SPIDR: variants seen among roughly 807,000 people sequenced by gnomAD.
SPIDR encodes the protein scaffold protein involved in DNA repair, also known as DNA repair-scaffolding protein.
A neutral mutation model predicts 104.6 loss-of-function variants in SPIDR; 93 were observed. That is an observed-to-expected ratio of 0.89 (90% CI 0.75 to 1.06). The LOEUF (loss-of-function observed/expected upper bound fraction) is 1.06, where lower values mean the gene tolerates loss of function less well. Ranked by LOEUF, SPIDR falls within the 50% of genes least tolerant of loss-of-function variation. The pLI, the probability that SPIDR is intolerant of heterozygous loss-of-function variation, is 0.00. For missense variants in SPIDR, 1,154 were observed against 1,111.2 expected (o/e 1.04, Z -0.55); for synonymous variants, 431 against 416.9 (o/e 1.03, Z -0.41).
intron 11 of SPIDR, among the ~76,000 whole-genome samples, chr8:47,689,592 T>C (rs926843657): frequency 1.3e-5 from 2 of 152,166 alleles, no homozygotes; most frequent in African/African-American, 4.8e-5. Flanking sequence ...CCCAAGCAAA[T>C]TCTGCATCCA....
In SPIDR at chr8:47,344,329, T is replaced by G. The variant is rs529398392; in HGVS notation, c.525+50299T>G. 3.3e-5 allele frequency among the ~76,000 whole-genome samples: 5 copies of G among 152,320 alleles called. No individual in the cohort carries two copies. In the East Asian group the frequency reaches 9.6e-4, roughly 29 times the overall value. On this transcript the variant is annotated intron_variant, in intron 5 of 19. Transcript: ENST00000297423. ...TTTTTTATGGCTGCATGGTATTCCA[T>G]GGTGTATATGTGCCACATTTTCTTA...
intron 8 of SPIDR, among the ~76,000 whole-genome samples, chr8:47,479,524 A>G (rs1554725728): frequency 1.3e-5 from 2 of 152,204 alleles, no homozygotes; most frequent in Admixed American, 6.5e-5. Context: ...TGGTGAGCTT[A>G]GCAGCACAGC....
chr8:47,322,146 G>A (rs1240806837), intron 5 of SPIDR, among the ~76,000 whole-genome samples: 1 of 152,178 alleles, frequency 6.6e-6, no homozygotes, highest in Non-Finnish European at 1.5e-5. Flanking sequence ...ACTACCATCT[G>A]AGTGAACAGC....
chr8:47,680,272 A>G (rs940218590), intron 11 of SPIDR, among the ~76,000 whole-genome samples: 34 of 152,232 alleles, frequency 2.2e-4, no homozygotes, highest in East Asian at 1.9e-4. Flanking sequence ...ACAAAAGTCA[A>G]TTACAGAGGA....
chr8:47,471,653 G>A (rs1554721161), intron 8 of SPIDR, among the ~76,000 whole-genome samples: 3 of 152,190 alleles, frequency 2.0e-5, no homozygotes. Flanking sequence ...ATAACATCAT[G>A]TATATACTTA....
At chr8:47,504,011 G>T (rs2081031988) in intron 8 of SPIDR, among the ~76,000 whole-genome samples, 1 of 152,204 alleles carries the variant, frequency 6.6e-6, no homozygotes, top group Non-Finnish European at 1.5e-5. Context: ...CCAGCTGTTA[G>T]TCTGATGGGC....
In SPIDR at chr8:47,623,418, T is replaced by C. The variant is rs186512409; in HGVS notation, c.1544+24222T>C. Among the ~76,000 whole-genome samples, 1,089 of 152,174 alleles carry C rather than the reference T, an allele frequency of 7.2e-3. 9 individuals are homozygous for C. Among genetic ancestry groups the C allele is most frequent in the Admixed American group, 9.1e-3 (139 of 15,288 alleles). Reference sequence around the variant, plus strand: ...CTTTGAATGTAAATGGGCTAAATGCTCCAATTAAAAGACACAGACTGGCAA... The same window carrying C: ...CTTTGAATGTAAATGGGCTAAATGCCCCAATTAAAAGACACAGACTGGCAA... On this transcript the variant is annotated intron_variant, in intron 10 of 19. Transcript: ENST00000297423.
At chr8:47,735,088 G>T (rs1280938100) in intron 19 of SPIDR, among the ~76,000 whole-genome samples, 4 of 146,372 alleles carry the variant, frequency 2.7e-5, no homozygotes, top group Non-Finnish European at 6.0e-5. Flanking sequence ...AAATAAATGG[G>T]TGTGTGGGTG....
intron 11 of SPIDR, 138 bp from the exon 12 acceptor site, chr8:47,700,265 C>A: frequency 1.1e-6 from 1 of 883,268 alleles, no homozygotes; most frequent in Non-Finnish European, 1.9e-6. Flanking sequence ...CTTCTTCCCC[C>A]TCTGAATCGC....
chr8:47,557,065 T>C (rs2091413234), intron 8 of SPIDR, among the ~76,000 whole-genome samples: 1 of 152,198 alleles, frequency 6.6e-6, no homozygotes, highest in Non-Finnish European at 1.5e-5. Context: ...GTGGAAATCA[T>C]AGCTGCATTC....
At chr8:47,478,836 T>C (rs1305970119) in intron 8 of SPIDR, among the ~76,000 whole-genome samples, 8 of 152,204 alleles carry the variant, frequency 5.3e-5, no homozygotes, top group Non-Finnish European at 1.2e-4. Context: ...TCTAAACCTG[T>C]TGAATGTAGG....
chr8:47,468,888 A>G (rs1466130501), intron 8 of SPIDR, among the ~76,000 whole-genome samples: 1 of 152,222 alleles, frequency 6.6e-6, no homozygotes, highest in African/African-American at 2.4e-5. Context: ...AACTATCAAC[A>G]GAGACAACTA....
chr8:47,436,122 G>A (rs1435614525), intron 7 of SPIDR, among the ~76,000 whole-genome samples: 2 of 152,200 alleles, frequency 1.3e-5, no homozygotes, highest in East Asian at 1.9e-4. Flanking sequence ...CAGGCACTTC[G>A]TGGTACATTT....
At chr8:47,313,838 T>G (rs2044717283) in intron 5 of SPIDR, among the ~76,000 whole-genome samples, 1 of 152,198 alleles carries the variant, frequency 6.6e-6, no homozygotes, top group South Asian at 2.1e-4. Context: ...TAAACACCTT[T>G]AAAGTACTGG....
chr8:47,621,163 G>C (rs1343968633), intron 10 of SPIDR, among the ~76,000 whole-genome samples: 1 of 151,846 alleles, frequency 6.6e-6, no homozygotes, highest in Non-Finnish European at 1.5e-5. Flanking sequence ...CACCATGTTG[G>C]CCAGGATGGT....
At chr8:47,275,821 A>G (rs1322973361) in intron 1 of SPIDR, among the ~76,000 whole-genome samples, 1 of 151,786 alleles carries the variant, frequency 6.6e-6, no homozygotes, top group Non-Finnish European at 1.5e-5. Flanking sequence ...ATTTTTTTAA[A>G]TTTTCTGTGC....
chr8:47,600,468 T>G (rs776074470), intron 10 of SPIDR, among the ~76,000 whole-genome samples: 1 of 152,240 alleles, frequency 6.6e-6, no homozygotes, highest in Non-Finnish European at 1.5e-5. Context: ...GGAGGCACTT[T>G]ATTTGAAAAT....
rs71225675 is a variant in SPIDR, at chr8:47,307,533, GTTTTTTT to G, written c.525+13520_525+13526del. On this transcript the variant is annotated intron_variant, in intron 5 of 19. Transcript: ENST00000297423. The stretch of plus-strand genomic sequence containing the variant: ...CGCACCCAGCCTCTTTTCTCATTTC[GTTTTTTT>G]TTTTTTTTTTTTTTTTGAGACAGAG... 1.5e-3 allele frequency among the ~76,000 whole-genome samples: 107 copies of G among 72,144 alleles called. 1 individual carries two copies. The highest frequency in any genetic ancestry group is 5.2e-3 in the African/African-American group (85 of 16,220). 47.3% of individuals were successfully genotyped at this position (72,144 alleles called of 152,430 possible). A position where few individuals can be genotyped will look rare whatever the true frequency, so the allele number is the denominator to read the frequency against.
chr8:47,445,798 G>C (rs182506266), intron 8 of SPIDR, among the ~76,000 whole-genome samples: 1 of 152,324 alleles, frequency 6.6e-6, no homozygotes, highest in East Asian at 1.9e-4. Context: ...TGAGTTGTCT[G>C]GATAGGAGCT....
Sources: allele counts gnomAD v4.1 joint callset (sites outside exome capture counted in the v4.1 genomes callset), GRCh38; gene constraint gnomAD v4.1.1; transcripts MANE v1.5; gene names NCBI Gene and HGNC (gene_info 2026-07-23, HGNC 2026-07-21).